The following TSPAN5 variants were observed in gnomAD, a reference collection of about 807,000 sequenced individuals.
TSPAN5 encodes the protein tetraspanin-5.
In TSPAN5, 10 loss-of-function variants were observed where a neutral mutation model predicts 37.1. The ratio of observed to expected loss-of-function variants is 0.27; its 90% CI spans 0.17 to 0.46. The LOEUF (loss-of-function observed/expected upper bound fraction) is 0.46, where lower values mean the gene tolerates loss of function less well. TSPAN5 is among the 20% of genes least tolerant of loss of function. The pLI is 1.00. For synonymous variants in TSPAN5, 110 were observed against 118.9 expected (o/e 0.93, Z 0.48); for missense variants, 195 against 326.6 (o/e 0.60, Z 3.11).
At chr4:98,536,850 A>T (rs553838162) in intron 1 of TSPAN5, among the ~76,000 whole-genome samples, 6 of 152,160 alleles carry the variant, frequency 3.9e-5, no homozygotes, top group Non-Finnish European at 7.4e-5. Flanking sequence ...CCCCCGACCA[A>T]GCTCTAGTGC....
At chr4:98,603,683 A>G (rs1158215432) in intron 1 of TSPAN5, among the ~76,000 whole-genome samples, 2 of 152,210 alleles carry the variant, frequency 1.3e-5, no homozygotes, top group Non-Finnish European at 2.9e-5. Context: ...CACACACTCA[A>G]GTGGATCAGA....
rs185349602 is a variant in TSPAN5 at position 98,506,776 on chromosome 4, C to A, written c.132+902G>T. Among the ~76,000 whole-genome samples the A allele has an allele frequency of 2.0e-3, 302 of 152,256 alleles. 3 individuals carry two copies. The highest frequency in any genetic ancestry group is 0.01 in the Middle Eastern group (3 of 294). On this transcript the variant is annotated intron_variant, in intron 2 of 7. Coordinates refer to ENST00000305798, the MANE Select transcript of TSPAN5 (RefSeq NM_005723.4). ...AGCTTTTAACCATTCTATACATCCC[C>A]TTGTCCTTACGTGGGAGATAATAAA...
At chr4:98,517,301 G>T (rs1304205375) in intron 1 of TSPAN5, among the ~76,000 whole-genome samples, 1 of 152,092 alleles carries the variant, frequency 6.6e-6, no homozygotes, top group East Asian at 1.9e-4. Context: ...ACATCCACTT[G>T]CAGGAAAGAG....
At chr4:98,582,831 T>A (rs1216659955) in intron 1 of TSPAN5, among the ~76,000 whole-genome samples, 6 of 152,308 alleles carry the variant, frequency 3.9e-5, no homozygotes, top group South Asian at 2.1e-4. Context: ...GAGGCAAGGA[T>A]TATGTTGACT....
intron 1 of TSPAN5, among the ~76,000 whole-genome samples, chr4:98,576,454 C>A (rs1270142565): frequency 2.6e-5 from 4 of 152,120 alleles, no homozygotes; most frequent in Non-Finnish European, 5.9e-5. Flanking sequence ...TGTCATGGGG[C>A]CATGAGCAGT....
intron 1 of TSPAN5, among the ~76,000 whole-genome samples, chr4:98,630,172 G>A (rs748372184): frequency 1.3e-5 from 2 of 152,156 alleles, no homozygotes; most frequent in Non-Finnish European, 2.9e-5. Flanking sequence ...AGAGTTCCTG[G>A]AGGGTTATGC....
At chr4:98,547,555 CTT>C (rs1450475980) in intron 1 of TSPAN5, among the ~76,000 whole-genome samples, 3 of 152,206 alleles carry the variant, frequency 2.0e-5, no homozygotes, top group African/African-American at 4.8e-5. Context: ...TGGCATCACT[CTT>C]TTAGCTCCTC....
intron 2 of TSPAN5, among the ~76,000 whole-genome samples, chr4:98,506,833 T>C (rs1348033698): frequency 1.3e-5 from 2 of 151,858 alleles, no homozygotes; most frequent in Non-Finnish European, 2.9e-5. Context: ...CAAGGATAGA[T>C]GAAATGCTGC....
intron 1 of TSPAN5, among the ~76,000 whole-genome samples, chr4:98,570,294 T>A (rs1755091132): frequency 6.6e-6 from 1 of 151,906 alleles, no homozygotes; most frequent in Non-Finnish European, 1.5e-5. Context: ...ATGTAGAAAC[T>A]CCCAAAAAAA....
At chr4:98,536,885 C>T (rs1754248117) in intron 1 of TSPAN5, among the ~76,000 whole-genome samples, 1 of 152,172 alleles carries the variant, frequency 6.6e-6, no homozygotes, top group Admixed American at 6.5e-5. Context: ...AGACTGCTGC[C>T]GTGCTGGCAG....
chr4:98,516,840 C>A (rs1753741733), intron 1 of TSPAN5, among the ~76,000 whole-genome samples: 1 of 152,136 alleles, frequency 6.6e-6, no homozygotes, highest in African/African-American at 2.4e-5. Context: ...AAGTGAGATT[C>A]CTTCTCCTGT....
chr4:98,589,364 A>G (rs111494913), intron 1 of TSPAN5, among the ~76,000 whole-genome samples: 6 of 152,352 alleles, frequency 3.9e-5, no homozygotes, highest in African/African-American at 1.4e-4. Context: ...CCCAGATGTC[A>G]GTGCTTAACA....
chr4:98,563,420 G>A (rs2110171355), intron 1 of TSPAN5, among the ~76,000 whole-genome samples: 1 of 152,252 alleles, frequency 6.6e-6, no homozygotes, highest in Non-Finnish European at 1.5e-5. Flanking sequence ...TGTTAATACA[G>A]GAAATATCAG....
intron 1 of TSPAN5, among the ~76,000 whole-genome samples, chr4:98,573,723 T>C (rs1266349825): frequency 6.6e-6 from 1 of 152,180 alleles, no homozygotes; most frequent in African/African-American, 2.4e-5. Context: ...TAAACAATCT[T>C]AATAAGAAGC....
chr4:98,516,999 A>C (rs1201503016), intron 1 of TSPAN5, among the ~76,000 whole-genome samples: 3 of 152,144 alleles, frequency 2.0e-5, no homozygotes, highest in Non-Finnish European at 1.5e-5. Flanking sequence ...CTTCTTTATA[A>C]ATCACCCAGT....
At chr4:98,511,505 A>T (rs1373442321) in intron 1 of TSPAN5, among the ~76,000 whole-genome samples, 1 of 152,224 alleles carries the variant, frequency 6.6e-6, no homozygotes, top group Admixed American at 6.5e-5. Context: ...AACATAGAAA[A>T]GGCATAGTAA....
At chr4:98,639,688 C>T (rs1756924315) in intron 1 of TSPAN5, among the ~76,000 whole-genome samples, 1 of 152,156 alleles carries the variant, frequency 6.6e-6, no homozygotes. Context: ...ATATCCTTCG[C>T]TCAATATGGT....
In TSPAN5 at chr4:98,658,511, G is replaced by C. The variant is rs141127668; in HGVS notation, c.-285C>G. 5,667 of 209,900 alleles carry C rather than the reference G, an allele frequency of 0.027. 171 individuals carry two copies. Among genetic ancestry groups the C allele is most frequent in the South Asian group, 0.17 (900 of 5,454 alleles). 13.0% of individuals were successfully genotyped at this position (209,900 alleles called of 1,614,324 possible). ...CCGACGCTAGCCCCGAACACAAAGC[G>C]AGCGCCCGCGTCCGTGCGCCAGGCG... is the stretch of plus-strand genomic sequence containing the variant. On this transcript the variant is annotated 5_prime_UTR_variant, in exon 1 of 8. Transcript: ENST00000305798.
chr4:98,571,877 C>T (rs1044203380), intron 1 of TSPAN5, among the ~76,000 whole-genome samples: 3 of 152,140 alleles, frequency 2.0e-5, no homozygotes, highest in South Asian at 2.1e-4. Flanking sequence ...AACAGTGAAC[C>T]TCCAAAATTT....
Sources: allele counts gnomAD v4.1 joint callset (sites outside exome capture counted in the v4.1 genomes callset), GRCh38; gene constraint gnomAD v4.1.1; transcripts MANE v1.5; gene names NCBI Gene and HGNC (gene_info 2026-07-23, HGNC 2026-07-21).